The following MAP2K5 variants were observed in gnomAD, a reference collection of about 807,000 sequenced individuals.
The protein encoded by MAP2K5 is dual specificity mitogen-activated protein kinase kinase 5.
A neutral mutation model predicts 83.1 loss-of-function variants in MAP2K5; 49 were observed. The ratio of observed to expected loss-of-function variants is 0.59; its 90% confidence interval spans 0.47 to 0.75. The LOEUF (loss-of-function observed/expected upper bound fraction) is 0.75, where lower values mean the gene tolerates loss of function less well. Ranked by LOEUF, MAP2K5 falls within the 30% of genes least tolerant of loss-of-function variation. The pLI is 0.00. For missense variants in MAP2K5, 457 were observed against 557.5 expected (o/e 0.82, Z 1.82); for synonymous variants, 202 against 191.8 (o/e 1.05, Z -0.44).
At chr15:67,619,283 A>G (rs1353445837) in intron 8 of MAP2K5, among the ~76,000 whole-genome samples, 1 of 151,824 alleles carries the variant, frequency 6.6e-6, no homozygotes, top group Admixed American at 6.6e-5. Flanking sequence ...CTATATCCTT[A>G]CCTTTATTTT....
At chr15:67,798,578 C>A (rs548152983) in intron 21 of MAP2K5, among the ~76,000 whole-genome samples, 2 of 152,248 alleles carry the variant, frequency 1.3e-5, no homozygotes, top group East Asian at 3.9e-4. Context: ...CCCAGTGGTC[C>A]ATTTCTGGCC....
intron 4 of MAP2K5, among the ~76,000 whole-genome samples, chr15:67,583,619 G>T (rs910847162): frequency 2.0e-5 from 3 of 152,208 alleles, no homozygotes; most frequent in East Asian, 3.9e-4. Context: ...GACATACTGG[G>T]TATATTTCCT....
At chr15:67,580,051 C>T (rs2085147310) in intron 3 of MAP2K5, among the ~76,000 whole-genome samples, 1 of 152,144 alleles carries the variant, frequency 6.6e-6, no homozygotes, top group South Asian at 2.1e-4. Flanking sequence ...TACAAATTAG[C>T]GGAGTGGTAA....
intron 6 of MAP2K5, among the ~76,000 whole-genome samples, chr15:67,589,779 GTGTA>G (rs1406025525): frequency 1.2e-3 from 48 of 39,826 alleles, no homozygotes; most frequent in African/African-American, 3.0e-3. Context: ...ATGTGTGTGT[GTGTA>G]TGTGTGTGTG....
intron 14 of MAP2K5, 98 bp downstream of exon 14, chr15:67,692,650 C>T (rs2141202114): frequency 1.2e-6 from 1 of 845,414 alleles, no homozygotes; most frequent in African/African-American, 1.7e-5. Flanking sequence ...AGCTGCCAGA[C>T]AAACAGAAAC....
chr15:67,798,157 G>C (rs1386355451), intron 21 of MAP2K5, among the ~76,000 whole-genome samples: 1 of 152,194 alleles, frequency 6.6e-6, no homozygotes, highest in African/African-American at 2.4e-5. Context: ...TGGACATGCT[G>C]CAGACTCCAC....
chr15:67,711,106 A>G lies in MAP2K5; in HGVS notation c.1044+7698A>G, dbSNP rs547666858. On this transcript the variant is annotated intron_variant, in intron 16 of 21. Transcript: ENST00000178640. ...ATTTATAGGCATGTCATAGTTCCTT[A>G]TGACAGGATTCAAATATGATTCTCT... is the stretch of plus-strand genomic sequence containing the variant. Among the ~76,000 whole-genome samples, 3 of 152,316 alleles carry G rather than the reference A, an allele frequency of 2.0e-5. No individual in the cohort carries two copies. In the East Asian group the frequency reaches 5.8e-4, roughly 29 times the overall value.
rs1011874352 is a variant in MAP2K5, at chr15:67,786,569, TGCGGGA to T, written c.1242+13820_1242+13825del. Among the ~76,000 whole-genome samples, 4 of 152,156 alleles carry T rather than the reference TGCGGGA, an allele frequency of 2.6e-5. No homozygotes were observed. Among genetic ancestry groups the T allele is most frequent in the African/African-American group, 9.7e-5 (4 of 41,428 alleles). On this transcript the variant is annotated intron_variant, in intron 21 of 21. Transcript: ENST00000178640. The surrounding 1 kb of genome is among the most constrained non-coding windows in gnomAD (Gnocchi z 4.7). ...AGTGCCAAGCTGCTGGCTTGGGTGGTGCGGGAGCTCGGAACAGTGGCCGAGGGGCCG... is the reference window on the plus strand; with the variant it reads ...AGTGCCAAGCTGCTGGCTTGGGTGGTGCTCGGAACAGTGGCCGAGGGGCCG...
rs1566950848 is a variant in MAP2K5 at position 67,747,569 on chromosome 15, G to T, written c.1075-662G>T. Reference sequence around the variant, plus strand: ...TGTGTGAGCAGCCTGCCTTCAGAATGTTGATCAGAAATGCGCTCTTACTGG... The same window carrying T: ...TGTGTGAGCAGCCTGCCTTCAGAATTTTGATCAGAAATGCGCTCTTACTGG... On this transcript the variant is annotated intron_variant, in intron 17 of 21. Coordinates refer to ENST00000178640, the MANE Select transcript of MAP2K5 (RefSeq NM_145160.3). The surrounding 1 kb of genome is among the most constrained non-coding windows in gnomAD (Gnocchi z 4.1). 1.3e-5 allele frequency among the ~76,000 whole-genome samples: 2 copies of T among 152,190 alleles called. No homozygotes were observed. Among genetic ancestry groups the T allele is most frequent in the Non-Finnish European group, 2.9e-5 (2 of 68,042 alleles).
chr15:67,786,604 T>A lies in MAP2K5; in HGVS notation c.1242+13852T>A, dbSNP rs573536610. Among the ~76,000 whole-genome samples, 1 of 152,320 alleles carries A rather than the reference T, an allele frequency of 6.6e-6. No individual in the cohort carries two copies. Among genetic ancestry groups the A allele is most frequent in the African/African-American group, 2.4e-5 (1 of 41,578 alleles). The stretch of plus-strand genomic sequence containing the variant: ...CGGAACAGTGGCCGAGGGGCCGTAG[T>A]AGTCAGTGAGGATGCCTGGCTCGGG... On this transcript the variant is annotated intron_variant, in intron 21 of 21. Transcript: ENST00000178640. This position sits in a 1 kb window ranked among gnomAD's most constrained non-coding sequence, Gnocchi z 4.7.
intron 13 of MAP2K5, among the ~76,000 whole-genome samples, chr15:67,680,444 TTA>T (rs1191655033): frequency 6.6e-6 from 1 of 152,212 alleles, no homozygotes; most frequent in African/African-American, 2.4e-5. Flanking sequence ...TTGGTATATA[TTA>T]TATGATTAGT....
In MAP2K5 at chr15:67,629,043, G is replaced by C. The variant is rs184338152; in HGVS notation, c.546-1845G>C. 5.5e-3 allele frequency: 4,139 copies of C among 749,230 alleles called. 22 individuals carry two copies. Among genetic ancestry groups the C allele is most frequent in the Non-Finnish European group, 7.6e-3 (3,127 of 410,332 alleles). 46.4% of individuals were successfully genotyped at this position (749,230 alleles called of 1,614,324 possible). A position where few individuals can be genotyped will look rare whatever the true frequency, so the allele number is the denominator to read the frequency against. ...AGGCAGAAGCTCTGGCCCCTATGGT[G>C]GTGGAGGCCAATACTTTGCCAAACC... On this transcript the variant is annotated intron_variant, in intron 8 of 21. Coordinates refer to ENST00000178640, the MANE Select transcript of MAP2K5 (RefSeq NM_145160.3).
chr15:67,558,643 A>G (rs1271084603), intron 2 of MAP2K5, among the ~76,000 whole-genome samples: 1 of 151,946 alleles, frequency 6.6e-6, no homozygotes, highest in Non-Finnish European at 1.5e-5. Flanking sequence ...GTTTCTCTGA[A>G]CCCGTGTGTT....
chr15:67,607,882 C>T (rs553733971), intron 8 of MAP2K5, among the ~76,000 whole-genome samples: 24 of 151,974 alleles, frequency 1.6e-4, no homozygotes, highest in African/African-American at 5.5e-4. Flanking sequence ...TTGGTTTGGC[C>T]AATATTGCTA....
intron 9 of MAP2K5, among the ~76,000 whole-genome samples, chr15:67,633,105 C>T (rs974548808): frequency 3.9e-5 from 6 of 152,204 alleles, no homozygotes; most frequent in Admixed American, 3.3e-4. Flanking sequence ...CCTTGGTGCT[C>T]ACCGAGCGCG....
chr15:67,678,603 G>T lies in MAP2K5; in HGVS notation c.848-13876G>T, dbSNP rs113560830. 4.2e-3 allele frequency among the ~76,000 whole-genome samples: 633 copies of T among 152,264 alleles called. 6 individuals carry two copies. The highest frequency in any genetic ancestry group is 0.015 in the African/African-American group (605 of 41,548). On this transcript the variant is annotated intron_variant, in intron 13 of 21. Transcript: ENST00000178640. ...ACAACAAAAAGGGAATCCTCAATTG[G>T]TATGGTTTTTCTTTTCTGGCAAAAG...
At chr15:67,728,005 C>T in intron 17 of MAP2K5, 60 bp downstream of exon 17, 4 of 1,386,696 alleles carry the variant, frequency 2.9e-6, no homozygotes, top group Non-Finnish European at 4.1e-6. Context: ...TATGAAGGTG[C>T]AGGGAGCAAT....
intron 17 of MAP2K5, among the ~76,000 whole-genome samples, chr15:67,728,274 C>T (rs923905394): frequency 6.6e-6 from 1 of 152,046 alleles, no homozygotes; most frequent in Non-Finnish European, 1.5e-5. Context: ...ACTTTTTAAG[C>T]TCTTAAATTC....
intron 13 of MAP2K5, among the ~76,000 whole-genome samples, chr15:67,683,353 A>C (rs2087870075): frequency 6.6e-6 from 1 of 152,232 alleles, no homozygotes; most frequent in Non-Finnish European, 1.5e-5. Context: ...TTCAGATTTA[A>C]CCTAGTTTAA....
Sources: gnomAD v4.1 joint callset for allele counts (sites outside exome capture counted in the v4.1 genomes callset) on GRCh38, gnomAD v4.1.1 for gene constraint, Gnocchi (gnomAD v3.1) non-coding constraint, MANE v1.5 for transcripts, NCBI Gene and HGNC (gene_info 2026-07-23, HGNC 2026-07-21) for gene names.